Variants in CSMD1 observed in about 807,000 individuals in gnomAD.
CSMD1 encodes CUB and sushi domain-containing protein 1.
In CSMD1, 213 loss-of-function variants were observed where a neutral mutation model predicts 417.5. The ratio of observed to expected loss-of-function variants is 0.51; its 90% CI spans 0.46 to 0.57. The LOEUF is 0.57. CSMD1 is among the 20% of genes least tolerant of loss of function. The pLI, the probability that CSMD1 is intolerant of heterozygous loss-of-function variation, is 0.00. For synonymous variants in CSMD1, 2,862 were observed against 1,736.8 expected (o/e 1.65, Z -16.11); for missense variants, 6,923 against 4,529.7 (o/e 1.53, Z -15.17).
chr8:2,949,719 A>T (rs1294757815), intron 67 of CSMD1, among the ~76,000 whole-genome samples: 1 of 152,088 alleles, frequency 6.6e-6, no homozygotes, highest in Non-Finnish European at 1.5e-5. Flanking sequence ...ATTATGTAAA[A>T]CTCACTTTGT....
chr8:3,146,244 C>T (rs1330333666), intron 40 of CSMD1, among the ~76,000 whole-genome samples: 1 of 151,928 alleles, frequency 6.6e-6, no homozygotes, highest in East Asian at 1.9e-4. Flanking sequence ...TAACTGTGCC[C>T]TTAGACACTC....
chr8:3,365,187 A>C (rs935699892), intron 20 of CSMD1, among the ~76,000 whole-genome samples: 2 of 152,204 alleles, frequency 1.3e-5, no homozygotes, highest in Admixed American at 6.5e-5. Flanking sequence ...TGATATATAA[A>C]GTGGCAAGTT....
Position 4,010,486 on chromosome 8 carries a change from T to A in CSMD1, c.611-12376A>T, listed in dbSNP as rs1477421830. On this transcript the variant is annotated intron_variant, in intron 4 of 69. Transcript: ENST00000635120. ...CTCTTTGATTAATTCTCCCCTCTCTTCCAACAGCCCAACTCTACCTCAGCC... is the reference window on the plus strand; with the variant it reads ...CTCTTTGATTAATTCTCCCCTCTCTACCAACAGCCCAACTCTACCTCAGCC... Among the ~76,000 whole-genome samples the A allele has an allele frequency of 2.0e-5, 3 of 152,040 alleles. No individual in the cohort carries two copies. The East Asian group carries it at 5.8e-4, about 29-fold the overall frequency.
intron 3 of CSMD1, among the ~76,000 whole-genome samples, chr8:4,162,310 T>A (rs575239907): frequency 2.8e-4 from 43 of 152,298 alleles, no homozygotes; most frequent in African/African-American, 1.0e-3. Flanking sequence ...TCAGCAAAGT[T>A]TAATGGATTT....
In CSMD1 at chr8:4,145,926, T is replaced by A. The variant is rs146127179; in HGVS notation, c.416-113827A>T. ...ATCCCTTGGCACATGATTGGCCCCA[T>A]TGTTTGTAAGACTGACCACGCTGTT... is the stretch of plus-strand genomic sequence containing the variant. On this transcript the variant is annotated intron_variant, in intron 3 of 69. Coordinates refer to ENST00000635120, the MANE Select transcript of CSMD1 (RefSeq NM_033225.6). Among the ~76,000 whole-genome samples the A allele has an allele frequency of 6.0e-5, 9 of 151,040 alleles. 1 individual carries two copies. The highest frequency in any genetic ancestry group is 2.2e-4 in the African/African-American group (9 of 40,444).
At chr8:4,688,987 A>T (rs1356883775) in intron 1 of CSMD1, among the ~76,000 whole-genome samples, 1 of 152,238 alleles carries the variant, frequency 6.6e-6, no homozygotes, top group Non-Finnish European at 1.5e-5. Context: ...TCAATTACCC[A>T]GAGGAAGTTA....
chr8:4,123,821 G>A (rs1031557142), intron 3 of CSMD1, among the ~76,000 whole-genome samples: 2 of 152,146 alleles, frequency 1.3e-5, no homozygotes, highest in Admixed American at 6.5e-5. Flanking sequence ...CTAAGTTCAA[G>A]TGAGGACCTA....
chr8:3,285,864 A>T (rs1402506551), intron 25 of CSMD1, among the ~76,000 whole-genome samples: 1 of 151,686 alleles, frequency 6.6e-6, no homozygotes, highest in African/African-American at 2.4e-5. Context: ...TTAAATTTTA[A>T]GGTAAATGTG....
At chr8:4,758,871 T>C (rs576939686) in intron 1 of CSMD1, among the ~76,000 whole-genome samples, 1 of 152,100 alleles carries the variant, frequency 6.6e-6, no homozygotes, top group South Asian at 2.1e-4. Flanking sequence ...ATTCACAAAG[T>C]GATTTGGGTG....
Position 4,079,352 on chromosome 8 carries a change from C to T in CSMD1, c.416-47253G>A, listed in dbSNP as rs563999414. On this transcript the variant is annotated intron_variant, in intron 3 of 69. Transcript: ENST00000635120. ...ATCCCTTGGAACGAAATATACTTTC[C>T]ATAATTTATGTAATCTGTAATCAGG... 3.3e-5 allele frequency among the ~76,000 whole-genome samples: 5 copies of T among 152,190 alleles called. No individual in the cohort carries two copies. In the South Asian group the frequency reaches 6.2e-4, roughly 19 times the overall value.
At chr8:4,023,633 C>G (rs950843181) in intron 4 of CSMD1, among the ~76,000 whole-genome samples, 1 of 147,946 alleles carries the variant, frequency 6.8e-6, no homozygotes, top group African/African-American at 2.5e-5. Context: ...GTCGCCCAGG[C>G]TAGAGTGCAG....
At chr8:4,369,672 G>C (rs1297209006) in intron 3 of CSMD1, among the ~76,000 whole-genome samples, 1 of 152,094 alleles carries the variant, frequency 6.6e-6, no homozygotes, top group Non-Finnish European at 1.5e-5. Flanking sequence ...TTGTTGAGTT[G>C]AGCCCTTTAT....
chr8:3,261,691 C>T (rs1015467489), intron 26 of CSMD1, among the ~76,000 whole-genome samples: 4 of 152,018 alleles, frequency 2.6e-5, no homozygotes, highest in African/African-American at 4.8e-5. Context: ...TGGATTCATG[C>T]AACAAGCCGG....
chr8:4,561,927 G>A lies in CSMD1; in HGVS notation c.302+75415C>T, dbSNP rs141654167. 4.2e-3 allele frequency among the ~76,000 whole-genome samples: 635 copies of A among 152,200 alleles called. 3 individuals are homozygous for A. The East Asian group carries it at 0.06, about 14-fold the overall frequency. On this transcript the variant is annotated intron_variant, in intron 2 of 69. Transcript: ENST00000635120. ...CAACCAAAGCAGTTCATCCACAAAGGCCAGGCGTTTAGACACTGCCAGCCC... is the reference window on the plus strand; with the variant it reads ...CAACCAAAGCAGTTCATCCACAAAGACCAGGCGTTTAGACACTGCCAGCCC...
At position 3,763,812 on chromosome 8, in the gene CSMD1, A is replaced by T. The variant is rs1355814649; in HGVS notation, c.819-9770T>A. Among the ~76,000 whole-genome samples, 11 of 152,326 alleles carry T rather than the reference A, an allele frequency of 7.2e-5. 1 individual carries two copies. In the South Asian group the frequency reaches 2.3e-3, roughly 32 times the overall value. On this transcript the variant is annotated intron_variant, in intron 5 of 69. Transcript: ENST00000635120. ...ATTCTCAGAGGACCCAGGTCCCTGC[A>T]TGCACACATAATCCTGAGGACACTA...
At chr8:4,811,090 T>C (rs539895379) in intron 1 of CSMD1, among the ~76,000 whole-genome samples, 1 of 152,298 alleles carries the variant, frequency 6.6e-6, no homozygotes, top group Non-Finnish European at 1.5e-5. Context: ...AGAAAGGTAT[T>C]CTGTAAGTGG....
chr8:3,369,143 T>C lies in CSMD1; in HGVS notation c.2899+111A>G. On this transcript the variant is annotated intron_variant, in intron 19 of 69. Transcript: ENST00000635120. ...ATAAGTTAAAATCTTGAACTATACATGAGAAAAGTAGTTATCTCACTTGTT... is the reference window on the plus strand; with the variant it reads ...ATAAGTTAAAATCTTGAACTATACACGAGAAAAGTAGTTATCTCACTTGTT... The C allele has an allele frequency of 2.5e-5, 15 of 588,844 alleles. 1 individual carries two copies. The South Asian group carries it at 3.4e-4, about 13-fold the overall frequency. 36.5% of individuals were successfully genotyped at this position (588,844 alleles called of 1,614,324 possible). A position where few individuals can be genotyped will look rare whatever the true frequency, so the allele number is the denominator to read the frequency against.
At chr8:4,724,520 ATGTGTGTGTGTGTGTGTG>A (rs66498850) in intron 1 of CSMD1, among the ~76,000 whole-genome samples, 14 of 145,216 alleles carry the variant, frequency 9.6e-5, no homozygotes, top group Non-Finnish European at 1.7e-4. Context: ...TTATATATAT[ATGTGTGTGTGTGTGTGTG>A]TGTGTGTGTG....
At chr8:3,899,997 G>C (rs1292554760) in intron 5 of CSMD1, among the ~76,000 whole-genome samples, 1 of 152,248 alleles carries the variant, frequency 6.6e-6, no homozygotes, top group Non-Finnish European at 1.5e-5. Flanking sequence ...GCTACAGCTG[G>C]TTGACAATGC....
Sources: gnomAD v4.1 joint callset for allele counts (sites outside exome capture counted in the v4.1 genomes callset) on GRCh38, gnomAD v4.1.1 for gene constraint, MANE v1.5 for transcripts, NCBI Gene and HGNC (gene_info 2026-07-23, HGNC 2026-07-21) for gene names.